CPT1A: variants seen among roughly 807,000 people sequenced by gnomAD.
The protein encoded by CPT1A is carnitine palmitoyltransferase 1A.
In CPT1A, 64 loss-of-function variants were observed where a neutral mutation model predicts 100.8. The ratio of observed to expected loss-of-function variants is 0.63; its 90% CI spans 0.52 to 0.78. The LOEUF is 0.78. Ranked by LOEUF, CPT1A falls within the 30% of genes least tolerant of loss-of-function variation. The pLI, the probability that CPT1A is intolerant of heterozygous loss-of-function variation, is 0.00. For missense variants in CPT1A, 802 were observed against 1,034.1 expected (o/e 0.78, Z 3.08); for synonymous variants, 363 against 396.0 (o/e 0.92, Z 0.99).
rs539551818 is a variant in CPT1A, at chr11:68,812,831, C to T, written c.142-255G>A. ...CCCTGAAAGCTTCCCCAAGAGTCGA[C>T]GCCCCGGGCCATGATAATCAGCCCA... On this transcript the variant is annotated intron_variant, in intron 2 of 18. Coordinates refer to ENST00000265641, the MANE Select transcript of CPT1A (RefSeq NM_001876.4). Among the ~76,000 whole-genome samples, 22 of 152,084 alleles carry T rather than the reference C, an allele frequency of 1.4e-4. 1 individual carries two copies. The South Asian group carries it at 4.6e-3, about 32-fold the overall frequency.
intron 4 of CPT1A, among the ~76,000 whole-genome samples, chr11:68,806,731 A>C (rs1275745097): frequency 3.3e-5 from 5 of 151,990 alleles, no homozygotes; most frequent in African/African-American, 1.2e-4. Context: ...GGAGTTCAAG[A>C]CCAGCCTGAC....
At chr11:68,842,571 A>T (rs1171488202), upstream of CPT1A, among the ~76,000 whole-genome samples, 4 of 152,206 alleles carry the variant, frequency 2.6e-5, no homozygotes, top group African/African-American at 9.6e-5. Context: ...GCTCCTCCTC[A>T]TCTAGCTAGG....
chr11:68,773,820 C>G (rs765295280), intron 13 of CPT1A: 3 of 307,162 alleles, frequency 9.8e-6, no homozygotes, highest in South Asian at 3.0e-5. Flanking sequence ...AGCAGCTTCC[C>G]GATAAGATCT....
intron 9 of CPT1A, among the ~76,000 whole-genome samples, chr11:68,790,802 ATTGAT>A (rs1358043121): frequency 2.6e-5 from 4 of 152,102 alleles, no homozygotes; most frequent in Admixed American, 6.6e-5. Context: ...TCCCTTGTTT[ATTGAT>A]TTATTTTATT....
At chr11:68,777,450 A>T (rs1237157320) in intron 12 of CPT1A, among the ~76,000 whole-genome samples, 2 of 152,194 alleles carry the variant, frequency 1.3e-5, no homozygotes, top group Non-Finnish European at 2.9e-5. Context: ...AAATAAAAAT[A>T]GAACAAGAAC....
intron 12 of CPT1A, among the ~76,000 whole-genome samples, chr11:68,777,421 C>A (rs759106993): frequency 6.6e-6 from 1 of 152,124 alleles, no homozygotes; most frequent in Non-Finnish European, 1.5e-5. Context: ...CAGAGCAAGA[C>A]CCTGTCTCAA....
chr11:68,799,133 T>C, intron 6 of CPT1A, 85 bp downstream of exon 6: 1 of 1,307,068 alleles, frequency 7.7e-7, no homozygotes, highest in Non-Finnish European at 1.1e-6. Context: ...CAAACTGTCA[T>C]TTCAGCCCTG....
intron 7 of CPT1A, among the ~76,000 whole-genome samples, chr11:68,796,505 G>A (rs1270655272): frequency 1.3e-5 from 2 of 152,064 alleles, no homozygotes; most frequent in African/African-American, 4.8e-5. Context: ...GCAGTGAGCC[G>A]AGATCGTGCC....
chr11:68,790,057 G>A (rs1415041433), intron 9 of CPT1A, among the ~76,000 whole-genome samples: 1 of 151,706 alleles, frequency 6.6e-6, no homozygotes, highest in Non-Finnish European at 1.5e-5. Context: ...TTTCTTAATC[G>A]GAAGTAGGGT....
intron 9 of CPT1A, among the ~76,000 whole-genome samples, chr11:68,785,563 GA>G (rs377721687): frequency 4.9e-3 from 248 of 51,082 alleles, no homozygotes; most frequent in Middle Eastern, 0.018. Flanking sequence ...TCCATCTCAG[GA>G]AAAAAAAAAA....
At chr11:68,807,937 G>A (rs1011106940) in intron 3 of CPT1A, among the ~76,000 whole-genome samples, 6 of 152,214 alleles carry the variant, frequency 3.9e-5, no homozygotes, top group Non-Finnish European at 5.9e-5. Flanking sequence ...GGGTGGCCTC[G>A]AAACCAACCA....
chr11:68,816,930 TGTGTGTGGGGTGA>T (rs1856424659), intron 1 of CPT1A, among the ~76,000 whole-genome samples: 2 of 106,196 alleles, frequency 1.9e-5, no homozygotes, highest in African/African-American at 3.8e-5. Context: ...TGTGTGGGTG[TGTGTGTGGGGTGA>T]GTGTGTGTGG....
intron 4 of CPT1A, 21 bp from the exon 5 acceptor site, chr11:68,804,122 T>G (rs551007729): frequency 6.3e-7 from 1 of 1,577,992 alleles, no homozygotes; most frequent in Admixed American, 1.7e-5. Flanking sequence ...AGAATTATAT[T>G]TTCAGACTAC....
chr11:68,811,180 T>G (rs952011167), intron 3 of CPT1A, among the ~76,000 whole-genome samples: 1 of 152,206 alleles, frequency 6.6e-6, no homozygotes, highest in African/African-American at 2.4e-5. Flanking sequence ...CCACCTGCAA[T>G]TCCTGGCCCC....
chr11:68,805,444 C>T (rs1856015369), intron 4 of CPT1A, among the ~76,000 whole-genome samples: 1 of 149,094 alleles, frequency 6.7e-6, no homozygotes, highest in Non-Finnish European at 1.5e-5. Flanking sequence ...GAGCAAGATG[C>T]TGTCTCAAAA....
intron 12 of CPT1A, among the ~76,000 whole-genome samples, chr11:68,779,155 TG>T (rs1379143552): frequency 6.6e-6 from 1 of 152,164 alleles, no homozygotes; most frequent in African/African-American, 2.4e-5. Context: ...GTGCTCAGCC[TG>T]CAGCTGGGCC....
chr11:68,842,326 G>A (rs1045741334), upstream of CPT1A, among the ~76,000 whole-genome samples: 2 of 152,054 alleles, frequency 1.3e-5, no homozygotes, highest in Non-Finnish European at 2.9e-5. Context: ...AGAAGCAACC[G>A]ATCCACAGGG....
chr11:68,827,298 A>G (rs1361739388), intron 1 of CPT1A, among the ~76,000 whole-genome samples: 1 of 152,106 alleles, frequency 6.6e-6, no homozygotes, highest in Admixed American at 6.6e-5. Context: ...ACACCACTGC[A>G]CTCCAGCCTG....
intron 2 of CPT1A, among the ~76,000 whole-genome samples, chr11:68,813,825 G>A (rs1311799573): frequency 3.9e-5 from 6 of 152,204 alleles, no homozygotes; most frequent in South Asian, 4.1e-4. Context: ...AGCAGCTCTC[G>A]GCGAGCCGAG....
Sources: allele counts gnomAD v4.1 joint callset (sites outside exome capture counted in the v4.1 genomes callset), GRCh38; gene constraint gnomAD v4.1.1; transcripts MANE v1.5; gene names NCBI Gene and HGNC (gene_info 2026-07-23, HGNC 2026-07-21).